Variants in GALNT18 observed in about 807,000 individuals in gnomAD.
GALNT18 encodes GalNAc-transferase 18.
A neutral mutation model predicts 69.5 loss-of-function variants in GALNT18; 44 were observed. That is an observed-to-expected ratio of 0.63 (90% CI 0.50 to 0.81). The LOEUF is 0.81. Among genes scored for constraint, GALNT18 ranks in the 40% least tolerant of loss-of-function variants. GALNT18 has a pLI of 0.00. For missense variants in GALNT18, 715 were observed against 810.0 expected, an observed-to-expected ratio of 0.88 and a Z score of 1.42; for synonymous variants, 364 against 318.2, an observed-to-expected ratio of 1.14 and a Z score of -1.53.
intron 3 of GALNT18, among the ~76,000 whole-genome samples, chr11:11,417,074 C>T (rs944838623): frequency 7.2e-5 from 11 of 152,238 alleles, no homozygotes; most frequent in African/African-American, 2.7e-4. Context: ...GATTCAAGTT[C>T]CTTCCAATGT....
At chr11:11,278,004 A>G (rs1848985538) in intron 10 of GALNT18, among the ~76,000 whole-genome samples, 1 of 152,156 alleles carries the variant, frequency 6.6e-6, no homozygotes, top group Non-Finnish European at 1.5e-5. Flanking sequence ...AGTTCTGTAG[A>G]TGTCTATTAA....
At chr11:11,311,470 G>C (rs1849673493) in intron 9 of GALNT18, among the ~76,000 whole-genome samples, 1 of 152,196 alleles carries the variant, frequency 6.6e-6, no homozygotes, top group Non-Finnish European at 1.5e-5. Flanking sequence ...AGCTGCAAGG[G>C]GAAGTGTTAG....
intron 10 of GALNT18, among the ~76,000 whole-genome samples, chr11:11,274,470 G>A (rs551436496): frequency 5.9e-5 from 9 of 152,350 alleles, no homozygotes; most frequent in Middle Eastern, 3.4e-3. Flanking sequence ...TAGGACAGCA[G>A]TCTGAGGTTG....
chr11:11,360,842 A>G (rs1850629416), intron 6 of GALNT18, among the ~76,000 whole-genome samples: 1 of 152,190 alleles, frequency 6.6e-6, no homozygotes. Context: ...ATTGGAGAAA[A>G]AAAAGTAATT....
Position 11,583,630 on chromosome 11 carries a change from T to A in GALNT18, c.235+37729A>T, listed in dbSNP as rs1436384174. ...ATGTAGGACATCCAAAGACCAGAGG[T>A]CCCATGAGACGCCACTTCTTCAAAT... On this transcript the variant is annotated intron_variant, in intron 1 of 10. Transcript: ENST00000227756. This position sits in a 1 kb window ranked among gnomAD's most constrained non-coding sequence, Gnocchi z 4.7. Among the ~76,000 whole-genome samples the A allele has an allele frequency of 6.6e-6, 1 of 151,872 alleles. No homozygotes were observed. Among genetic ancestry groups the A allele is most frequent in the Non-Finnish European group, 1.5e-5 (1 of 67,982 alleles).
At chr11:11,544,604 G>T (rs1006969049) in intron 1 of GALNT18, among the ~76,000 whole-genome samples, 1 of 152,174 alleles carries the variant, frequency 6.6e-6, no homozygotes, top group African/African-American at 2.4e-5. Context: ...GTGCAGGTTT[G>T]TTACATAGGT....
chr11:11,317,006 C>A (rs1849768220), intron 9 of GALNT18, among the ~76,000 whole-genome samples: 1 of 152,168 alleles, frequency 6.6e-6, no homozygotes. Context: ...GGTGGGGAGA[C>A]CCCACTATTG....
chr11:11,376,450 T>C (rs1415596067), intron 5 of GALNT18, among the ~76,000 whole-genome samples: 1 of 151,016 alleles, frequency 6.6e-6, no homozygotes, highest in Non-Finnish European at 1.5e-5. Context: ...TCCTGAACCT[T>C]AAAAGCCGAG....
intron 10 of GALNT18, among the ~76,000 whole-genome samples, chr11:11,291,025 G>T (rs1849287439): frequency 6.6e-6 from 1 of 152,132 alleles, no homozygotes; most frequent in Non-Finnish European, 1.5e-5. Context: ...ATACCTAACT[G>T]TCCTTCCACA....
At chr11:11,457,193 G>T (rs1228084717) in intron 1 of GALNT18, among the ~76,000 whole-genome samples, 1 of 152,212 alleles carries the variant, frequency 6.6e-6, no homozygotes, top group Admixed American at 6.5e-5. Flanking sequence ...CAAGATTGTG[G>T]TGGTACTGAG....
chr11:11,336,237 A>G (rs912503870), intron 7 of GALNT18, among the ~76,000 whole-genome samples: 4 of 152,114 alleles, frequency 2.6e-5, no homozygotes, highest in Admixed American at 6.5e-5. Flanking sequence ...ACTGATTTTC[A>G]ATTAAAGTAG....
At chr11:11,515,065 A>C (rs373861780) in intron 1 of GALNT18, among the ~76,000 whole-genome samples, 1 of 152,196 alleles carries the variant, frequency 6.6e-6, no homozygotes, top group Non-Finnish European at 1.5e-5. Context: ...GCCCGCATTC[A>C]AGTTTTGAAT....
At position 11,383,766 on chromosome 11, in the gene GALNT18, A is replaced by T. The variant is rs764011536; in HGVS notation, c.596-4502T>A. ...GGGCAGTTTCCCACACGCTGTTCTC[A>T]TGATAGTGAGTGAGTTCTCATGAGA... On this transcript the variant is annotated intron_variant, in intron 3 of 10. Transcript: ENST00000227756. The surrounding 1 kb of genome is among the most constrained non-coding windows in gnomAD (Gnocchi z 5.2). Among the ~76,000 whole-genome samples, 3 of 151,892 alleles carry T rather than the reference A, an allele frequency of 2.0e-5. No homozygotes were observed. Among genetic ancestry groups the T allele is most frequent in the Admixed American group, 6.6e-5 (1 of 15,256 alleles).
At chr11:11,312,438 C>T (rs1369703820) in intron 9 of GALNT18, among the ~76,000 whole-genome samples, 1 of 152,180 alleles carries the variant, frequency 6.6e-6, no homozygotes, top group African/African-American at 2.4e-5. Context: ...GAAAAATTTA[C>T]TAAGCAGAAA....
chr11:11,591,144 G>C lies in GALNT18; in HGVS notation c.235+30215C>G, dbSNP rs1296133152. ...CAGTGACATTGATGATGCTGACTCTGTAGGCCTAGGCTACCGTGTGTGTGT... is the reference window on the plus strand; with the variant it reads ...CAGTGACATTGATGATGCTGACTCTCTAGGCCTAGGCTACCGTGTGTGTGT... On this transcript the variant is annotated intron_variant, in intron 1 of 10. Coordinates refer to ENST00000227756, the MANE Select transcript of GALNT18 (RefSeq NM_198516.3). The surrounding 1 kb of genome is among the most constrained non-coding windows in gnomAD (Gnocchi z 4.8). Among the ~76,000 whole-genome samples, 1 of 141,952 alleles carries C rather than the reference G, an allele frequency of 7.0e-6. No individual in the cohort carries two copies. Among genetic ancestry groups the C allele is most frequent in the Non-Finnish European group, 1.5e-5 (1 of 65,612 alleles). The allele number at this position is 141,952 out of a possible 152,430, so 93.1% of individuals were successfully genotyped here. A position where few individuals can be genotyped will look rare whatever the true frequency, so the allele number is the denominator to read the frequency against.
chr11:11,483,694 G>A (rs1856583475), intron 1 of GALNT18, among the ~76,000 whole-genome samples: 1 of 152,162 alleles, frequency 6.6e-6, no homozygotes, highest in African/African-American at 2.4e-5. Flanking sequence ...TCTTCCGATT[G>A]AGGCAAGACC....
intron 1 of GALNT18, among the ~76,000 whole-genome samples, chr11:11,530,809 GC>G (rs1319968173): frequency 1.3e-5 from 2 of 152,202 alleles, no homozygotes; most frequent in African/African-American, 2.4e-5. Flanking sequence ...TCCACTGGGT[GC>G]CCCACAGAAG....
At chr11:11,295,446 TAAGAG>T (rs200369194) in intron 9 of GALNT18, among the ~76,000 whole-genome samples, 6,668 of 151,598 alleles carry the variant, frequency 0.044, 155 homozygotes, top group Middle Eastern at 0.058. Context: ...CCAGAACGTG[TAAGAG>T]AAAAGTCATG....
At position 11,613,474 on chromosome 11, in the gene GALNT18, A is replaced by G. The variant is rs1299382810; in HGVS notation, c.235+7885T>C. ...ATACTAATATGCCTTCTCAAGTAGG[A>G]AAATAAAGGGTGGAGTAAGAATGAA... On this transcript the variant is annotated intron_variant, in intron 1 of 10. Transcript: ENST00000227756. The surrounding 1 kb of genome is among the most constrained non-coding windows in gnomAD (Gnocchi z 4.2). 6.6e-6 allele frequency among the ~76,000 whole-genome samples: 1 copy of G among 152,214 alleles called. No homozygotes were observed. Among genetic ancestry groups the G allele is most frequent in the East Asian group, 1.9e-4 (1 of 5,190 alleles).
Sources: gnomAD v4.1 joint callset for allele counts (sites outside exome capture counted in the v4.1 genomes callset) on GRCh38, gnomAD v4.1.1 for gene constraint, Gnocchi (gnomAD v3.1) non-coding constraint, MANE v1.5 for transcripts, NCBI Gene and HGNC (gene_info 2026-07-23, HGNC 2026-07-21) for gene names.